The following CLNK variants were observed in gnomAD, a reference collection of about 807,000 sequenced individuals.
CLNK encodes the protein cytokine-dependent hematopoietic cell linker.
CLNK carries 74 observed loss-of-function variants against 68.6 expected under a neutral mutation model. That is an observed-to-expected ratio of 1.08 (90% CI 0.89 to 1.31). CLNK has a LOEUF of 1.31. Among genes scored for constraint, CLNK ranks in the 50% most tolerant of loss-of-function variants. The probability of loss-of-function intolerance (pLI) is 0.00; values close to 1 mark genes in which losing one functional copy is unlikely to be tolerated. For synonymous variants in CLNK, 198 were observed against 172.2 expected, an observed-to-expected ratio of 1.15 and a Z score of -1.17; for missense variants, 553 against 515.3, an observed-to-expected ratio of 1.07 and a Z score of -0.71.
intron 8 of CLNK, among the ~76,000 whole-genome samples, chr4:10,547,793 C>T (rs1438928826): frequency 6.6e-6 from 1 of 152,134 alleles, no homozygotes; most frequent in Non-Finnish European, 1.5e-5. Flanking sequence ...CCCTCCAAGT[C>T]CATCAGTATT....
intron 2 of CLNK, among the ~76,000 whole-genome samples, chr4:10,661,398 G>A (rs531480403): frequency 1.3e-5 from 2 of 152,340 alleles, no homozygotes; most frequent in South Asian, 2.1e-4. Flanking sequence ...TGATGTATCC[G>A]TGATGAGAAA....
At chr4:10,600,227 C>T (rs1007514295) in intron 2 of CLNK, among the ~76,000 whole-genome samples, 3 of 152,096 alleles carry the variant, frequency 2.0e-5, no homozygotes, top group Non-Finnish European at 4.4e-5. Context: ...GCTTTTCATT[C>T]TTCAAGGTCA....
rs970430030 is a variant in CLNK at position 10,488,582 on chromosome 4, A to G, written c.*1885T>C. The G allele has an allele frequency of 3.9e-5, 6 of 152,206 alleles. No homozygotes were observed. Among genetic ancestry groups the G allele is most frequent in the Non-Finnish European group, 7.3e-5 (5 of 68,038 alleles). 9.4% of individuals were successfully genotyped at this position (152,206 alleles called of 1,614,324 possible). A position where few individuals can be genotyped will look rare whatever the true frequency, so the allele number is the denominator to read the frequency against. ...TTAAACACTCTTGTCTCTTGGTTCT[A>G]TGTAATCCTCTGCAGGCATACTCTA... is the stretch of plus-strand genomic sequence containing the variant. On this transcript the variant is annotated 3_prime_UTR_variant, in exon 19 of 19. Transcript: ENST00000226951.
chr4:10,617,895 T>C (rs1029441363), intron 2 of CLNK, among the ~76,000 whole-genome samples: 6 of 152,108 alleles, frequency 3.9e-5, no homozygotes, highest in Admixed American at 6.5e-5. Context: ...TGGAGGCATG[T>C]TCCTTACATC....
chr4:10,535,251 G>C (rs951983777), intron 11 of CLNK, among the ~76,000 whole-genome samples: 2 of 142,212 alleles, frequency 1.4e-5, no homozygotes, highest in African/African-American at 5.3e-5. Flanking sequence ...AAGAAAGAAA[G>C]AAAGAAAGAA....
chr4:10,699,264 TACAC>T, the CLNK span, among the ~76,000 whole-genome samples: 1,278 of 68,502 alleles, frequency 0.019, 107 homozygotes, highest in Middle Eastern at 0.045. Context: ...TATGTGTGTA[TACAC>T]ACACACACAC....
chr4:10,731,820 G>A, the CLNK span, among the ~76,000 whole-genome samples: 1 of 152,206 alleles, frequency 6.6e-6, no homozygotes, highest in Admixed American at 6.5e-5. Context: ...TTGCAAGAAA[G>A]GAATTCAGTC....
intron 6 of CLNK, among the ~76,000 whole-genome samples, chr4:10,565,251 C>G (rs891375320): frequency 7.2e-5 from 11 of 152,228 alleles, no homozygotes; most frequent in African/African-American, 2.7e-4. Flanking sequence ...AACATGGAAA[C>G]TGGCACGTAG....
intron 2 of CLNK, among the ~76,000 whole-genome samples, chr4:10,611,983 C>A (rs576510890): frequency 6.6e-6 from 1 of 152,310 alleles, no homozygotes; most frequent in South Asian, 2.1e-4. Context: ...CCATCATGAA[C>A]AATTGGCCAA....
chr4:10,532,780 G>C (rs531700876), intron 11 of CLNK, among the ~76,000 whole-genome samples: 7 of 152,184 alleles, frequency 4.6e-5, no homozygotes, highest in African/African-American at 1.7e-4. Context: ...AAAATTGAAT[G>C]GTAGAGAAAA....
At chr4:10,622,660 C>T (rs965076609) in intron 2 of CLNK, among the ~76,000 whole-genome samples, 1 of 152,180 alleles carries the variant, frequency 6.6e-6, no homozygotes, top group East Asian at 1.9e-4. Flanking sequence ...CAAATGCATA[C>T]CAAATTCATA....
the CLNK span, among the ~76,000 whole-genome samples, chr4:10,699,219 C>CGTATGTGTGTGT: frequency 2.8e-5 from 3 of 109,020 alleles, 1 homozygote; most frequent in Non-Finnish European, 4.3e-5. Context: ...ATACACACCA[C>CGTATGTGTGTGT]ATATGTGTGT....
intron 3 of CLNK, among the ~76,000 whole-genome samples, chr4:10,588,720 A>C (rs1721074207): frequency 6.6e-6 from 1 of 152,222 alleles, no homozygotes; most frequent in South Asian, 2.1e-4. Context: ...ATAAGTATAT[A>C]CTTGTGAATG....
the CLNK span, among the ~76,000 whole-genome samples, chr4:10,719,125 A>T: frequency 6.6e-6 from 1 of 152,134 alleles, no homozygotes; most frequent in Non-Finnish European, 1.5e-5. Flanking sequence ...GGCAGGAAAA[A>T]TAAAACAGAA....
At position 10,504,225 on chromosome 4, in the gene CLNK, G is replaced by A. The variant is rs193056098; in HGVS notation, c.985-2814C>T. On this transcript the variant is annotated intron_variant, in intron 17 of 18. Transcript: ENST00000226951. The stretch of plus-strand genomic sequence containing the variant: ...AAGCTCCGCCTCCTGGGTTCACGCC[G>A]TTCTCCTGCCTCAGCCTCCTGAGTG... 1.9e-4 allele frequency among the ~76,000 whole-genome samples: 26 copies of A among 136,234 alleles called. No homozygotes were observed. In the Middle Eastern group the frequency reaches 0.019, roughly 102 times the overall value. The allele number at this position is 136,234 out of a possible 152,430, so 89.4% of individuals were successfully genotyped here.
the CLNK span, among the ~76,000 whole-genome samples, chr4:10,690,715 T>C: frequency 1.1e-4 from 16 of 152,302 alleles, no homozygotes; most frequent in African/African-American, 3.4e-4. Flanking sequence ...TCATTATCGC[T>C]GTTATACTTT....
intron 2 of CLNK, among the ~76,000 whole-genome samples, chr4:10,630,087 G>T (rs1722826565): frequency 6.6e-6 from 1 of 152,182 alleles, no homozygotes; most frequent in South Asian, 2.1e-4. Context: ...GGATATAACA[G>T]AGGATAGCCT....
At chr4:10,563,584 C>T (rs949626063) in intron 7 of CLNK, among the ~76,000 whole-genome samples, 1 of 152,140 alleles carries the variant, frequency 6.6e-6, no homozygotes, top group African/African-American at 2.4e-5. Flanking sequence ...AACAATGAGG[C>T]TTCCCCTGTT....
chr4:10,509,526 C>CTT (rs34708664), intron 16 of CLNK, among the ~76,000 whole-genome samples: 2 of 142,288 alleles, frequency 1.4e-5, no homozygotes, highest in African/African-American at 2.6e-5. Context: ...AAAGTCACCT[C>CTT]TTTTTTTTTT....
Sources: gnomAD v4.1 joint callset for allele counts (sites outside exome capture counted in the v4.1 genomes callset) on GRCh38, gnomAD v4.1.1 for gene constraint, MANE v1.5 for transcripts, NCBI Gene and HGNC (gene_info 2026-07-23, HGNC 2026-07-21) for gene names.